Variants in PLCL1 observed in about 807,000 individuals in gnomAD.
PLCL1 encodes inactive phospholipase C-like protein 1.
A neutral mutation model predicts 84.4 loss-of-function variants in PLCL1; 41 were observed. The observed-to-expected ratio is 0.49, with a 90% CI of 0.38 to 0.63. PLCL1 has a LOEUF of 0.63. PLCL1 is among the 30% of genes least tolerant of loss of function. The pLI is 0.00. For synonymous variants in PLCL1, 490 were observed against 488.3 expected, an observed-to-expected ratio of 1.00 and a Z score of -0.05; for missense variants, 1,206 against 1,367.8, an observed-to-expected ratio of 0.88 and a Z score of 1.87.
chr2:198,129,860 C>CT (rs142245746), intron 5 of PLCL1, among the ~76,000 whole-genome samples: 14,928 of 152,084 alleles, frequency 0.098, 812 homozygotes, highest in Middle Eastern at 0.22. Context: ...TCTTCTTCCC[C>CT]GACACTCCAT....
chr2:198,065,660 A>G (rs1235463713), intron 1 of PLCL1, among the ~76,000 whole-genome samples: 1 of 152,204 alleles, frequency 6.6e-6, no homozygotes, highest in Non-Finnish European at 1.5e-5. Flanking sequence ...TTGTTTTGCC[A>G]ACAATGAATT....
At chr2:198,078,923 T>C (rs1692644685) in intron 1 of PLCL1, among the ~76,000 whole-genome samples, 2 of 152,102 alleles carry the variant, frequency 1.3e-5, no homozygotes, top group African/African-American at 4.8e-5. Flanking sequence ...TTTTTAAGTG[T>C]GTAAGTACAC....
intron 1 of PLCL1, among the ~76,000 whole-genome samples, chr2:197,890,701 T>TATATATATATATAC (rs11270566): frequency 0.26 from 30,802 of 116,542 alleles, 4,609 homozygotes; most frequent in Middle Eastern, 0.34. Flanking sequence ...TATATATATA[T>TATATATATATATAC]ACACACACAC....
intron 1 of PLCL1, among the ~76,000 whole-genome samples, chr2:198,029,499 T>C (rs74484541): frequency 0.2 from 30,160 of 151,938 alleles, 3,053 homozygotes; most frequent in East Asian, 0.26. Context: ...GTTATCTCTA[T>C]ACCCCGAAGA....
At chr2:197,943,014 C>T (rs1157803475) in intron 1 of PLCL1, among the ~76,000 whole-genome samples, 1 of 151,862 alleles carries the variant, frequency 6.6e-6, no homozygotes, top group African/African-American at 2.4e-5. Context: ...TGAGAACAGC[C>T]TGGGCAGTAT....
At chr2:197,855,986 T>C (rs1056588298) in intron 1 of PLCL1, among the ~76,000 whole-genome samples, 15 of 152,186 alleles carry the variant, frequency 9.9e-5, no homozygotes, top group Non-Finnish European at 1.6e-4. Flanking sequence ...GTCACCTCCT[T>C]TGAACCTAAA....
chr2:197,815,584 T>G (rs1281350943), intron 1 of PLCL1, among the ~76,000 whole-genome samples: 2 of 152,166 alleles, frequency 1.3e-5, no homozygotes, highest in Non-Finnish European at 2.9e-5. Flanking sequence ...TTGCTATAGA[T>G]AGTGATTCAT....
chr2:198,039,778 A>T (rs777053389), intron 1 of PLCL1, among the ~76,000 whole-genome samples: 1 of 152,240 alleles, frequency 6.6e-6, no homozygotes, highest in Non-Finnish European at 1.5e-5. Context: ...CTCACTGAAC[A>T]TCTATGAGTC....
chr2:197,973,042 C>T (rs7558450), intron 1 of PLCL1, among the ~76,000 whole-genome samples: 73,036 of 151,962 alleles, frequency 0.48, 17,964 homozygotes, highest in Middle Eastern at 0.58. Context: ...GATAAACTAC[C>T]CTTGTCCTCA....
chr2:197,855,810 G>C (rs1407830983), intron 1 of PLCL1, among the ~76,000 whole-genome samples: 1 of 152,094 alleles, frequency 6.6e-6, no homozygotes, highest in African/African-American at 2.4e-5. Context: ...GATGACCAAA[G>C]ACCAATTCAG....
intron 1 of PLCL1, among the ~76,000 whole-genome samples, chr2:197,942,883 CCT>C (rs767290960): frequency 1.4e-4 from 21 of 152,058 alleles, no homozygotes; most frequent in Non-Finnish European, 5.9e-5. Context: ...GAAATTTTTT[CCT>C]GTTATTACAA....
At chr2:197,943,984 T>C (rs1023855695) in intron 1 of PLCL1, among the ~76,000 whole-genome samples, 17 of 152,212 alleles carry the variant, frequency 1.1e-4, no homozygotes, top group South Asian at 4.1e-4. Context: ...GGAATGTCCA[T>C]TGCCTCTCTT....
chr2:198,002,967 A>G (rs1027949496), intron 1 of PLCL1, among the ~76,000 whole-genome samples: 2 of 152,146 alleles, frequency 1.3e-5, no homozygotes, highest in African/African-American at 2.4e-5. Context: ...CCAGCCCTCT[A>G]TGTGAACTAT....
intron 1 of PLCL1, among the ~76,000 whole-genome samples, chr2:197,847,533 A>G (rs1302696589): frequency 6.6e-6 from 1 of 152,116 alleles, no homozygotes; most frequent in Non-Finnish European, 1.5e-5. Context: ...TTCCAAGCAG[A>G]CTCTGAAACA....
intron 5 of PLCL1, among the ~76,000 whole-genome samples, chr2:198,139,549 T>G (rs1485971844): frequency 6.6e-6 from 1 of 152,224 alleles, no homozygotes; most frequent in African/African-American, 2.4e-5. Flanking sequence ...TATTTTATTT[T>G]AAATGACCAT....
At chr2:197,885,665 A>G (rs1460095966) in intron 1 of PLCL1, among the ~76,000 whole-genome samples, 3 of 152,140 alleles carry the variant, frequency 2.0e-5, no homozygotes, top group Admixed American at 6.5e-5. Context: ...CAGCTCAAAC[A>G]TTTTTCCCTC....
chr2:198,005,001 A>C (rs1312563917), intron 1 of PLCL1, among the ~76,000 whole-genome samples: 1 of 152,222 alleles, frequency 6.6e-6, no homozygotes, highest in Non-Finnish European at 1.5e-5. Context: ...CCATTAACAC[A>C]TCTAGAAATA....
intron 1 of PLCL1, among the ~76,000 whole-genome samples, chr2:198,040,478 G>A (rs1691632829): frequency 6.6e-6 from 1 of 152,134 alleles, no homozygotes; most frequent in Admixed American, 6.5e-5. Flanking sequence ...GTGGAGATAG[G>A]GGAGGAGAGG....
intron 1 of PLCL1, among the ~76,000 whole-genome samples, chr2:197,902,390 G>T (rs1688284953): frequency 6.6e-6 from 1 of 152,176 alleles, no homozygotes; most frequent in African/African-American, 2.4e-5. Flanking sequence ...CCAAGTAATT[G>T]TTGGACTTTA....
Sources: allele counts gnomAD v4.1 joint callset (sites outside exome capture counted in the v4.1 genomes callset), GRCh38; gene constraint gnomAD v4.1.1; transcripts MANE v1.5; gene names NCBI Gene and HGNC (gene_info 2026-07-23, HGNC 2026-07-21).